PEAR1: variants seen among roughly 807,000 people sequenced by gnomAD.
PEAR1 encodes the protein multiple EGF-like domains protein 12.
In PEAR1, 113 loss-of-function variants were observed where a neutral mutation model predicts 131.2. The observed-to-expected ratio is 0.86, with a 90% CI of 0.74 to 1.01. The LOEUF (loss-of-function observed/expected upper bound fraction) is 1.01. PEAR1 is among the 50% of genes least tolerant of loss of function. PEAR1 has a pLI of 0.00. For missense variants in PEAR1, 1,408 were observed against 1,391.1 expected (o/e 1.01, Z -0.19); for synonymous variants, 565 against 523.3 (o/e 1.08, Z -1.09).
At chr1:156,899,424 C>T (rs887949617) in intron 1 of PEAR1, among the ~76,000 whole-genome samples, 4 of 151,806 alleles carry the variant, frequency 2.6e-5, no homozygotes, top group Non-Finnish European at 4.4e-5. Flanking sequence ...GGCAGCCCAT[C>T]GTTTTGGGGG....
Position 156,905,413 on chromosome 1 carries a change from G to C in PEAR1, c.296G>C (p.Gly99Ala). ...QCCHGFYESR[G>A]FCVPLCAQEC... The stretch of plus-strand genomic sequence containing the variant: ...TGCCATGGCTTCTATGAGAGCAGGG[G>C]GTTCTGTGTCCGTGAGTCCAGGGTT... Residue 99 changes from glycine (G) to alanine (A), a missense_variant, in exon 4 of 23, where the codon GGG becomes GCG. Coordinates refer to ENST00000292357, the MANE Select transcript of PEAR1 (RefSeq NM_001080471.3). 1.2e-6 allele frequency: 2 copies of C among 1,604,808 alleles called. No individual in the cohort carries two copies. Among genetic ancestry groups the C allele is most frequent in the Non-Finnish European group, 1.7e-6 (2 of 1,175,698 alleles).
Position 156,906,879 on chromosome 1 carries a change from A to C in PEAR1, c.643A>C (p.Ser215Arg). Residue 215 changes from serine (S) to arginine (R), a missense_variant and splice_region_variant, in exon 6 of 23, where the codon AGC becomes CGC. Transcript: ENST00000292357. ...CTGCCCCGCAGAGAGAACTGGGCCC[A>C]GGTATGTAATGGGGGGAACGACACT... is the stretch of plus-strand genomic sequence containing the variant. ...CFCPAERTGP[S>R]CDVSCSQGTS... 6.2e-7 allele frequency: 1 copy of C among 1,613,704 alleles called. No homozygotes were observed. Among genetic ancestry groups the C allele is most frequent in the Non-Finnish European group, 8.5e-7 (1 of 1,179,852 alleles).
In PEAR1 at chr1:156,913,588, A is replaced by AGT. The variant is rs1651525051; in HGVS notation, c.2644+74_2644+75dup. ...GTGTGCAGCCCAGATGCCGCGTCTG[A>AGT]GTGTGTGTGTCTGGAGACGGGGGCT... On this transcript the variant is annotated intron_variant, in intron 20 of 22. Transcript: ENST00000292357. 6 of 1,602,380 alleles carry AGT rather than the reference A, an allele frequency of 3.7e-6. No homozygotes were observed. In the East Asian group the frequency reaches 6.7e-5, roughly 18 times the overall value.
chr1:156,904,116 T>C, intron 2 of PEAR1, 89 bp downstream of exon 2: 1 of 1,019,698 alleles, frequency 9.8e-7, no homozygotes, highest in Non-Finnish European at 1.5e-6. Flanking sequence ...TTCTTGGTCC[T>C]TCCTTAATCT....
Position 156,915,094 on chromosome 1 carries a change from T to A in PEAR1, c.*296T>A. The A allele has an allele frequency of 2.8e-6, 1 of 354,688 alleles. No homozygotes were observed. Among genetic ancestry groups the A allele is most frequent in the Non-Finnish European group, 5.1e-6 (1 of 197,770 alleles). The allele number at this position is 354,688 out of a possible 1,614,324, so 22.0% of individuals were successfully genotyped here. A position where few individuals can be genotyped will look rare whatever the true frequency, so the allele number is the denominator to read the frequency against. ...GGGTAACTCTGATTTCAGACATGCG[T>A]GTGGGGTACCTTTTCTGTGCATGCT... On this transcript the variant is annotated 3_prime_UTR_variant, in exon 23 of 23. Transcript: ENST00000292357.
At chr1:156,905,082 T>TGC (rs1650102697) in intron 3 of PEAR1, 2 of 800,790 alleles carry the variant, frequency 2.5e-6, no homozygotes, top group African/African-American at 3.5e-5. Context: ...CCTGTGGGGT[T>TGC]GGGGGGGGGG....
chr1:156,912,964 T>C lies in PEAR1; in HGVS notation c.2404T>C (p.Ser802Pro), dbSNP rs1278546686. ...VAYSSGRLDG[S>P]EYVMPDVPPS... is the part of the protein sequence containing the mutation. ...TTACAGCAGCGGGCGCCTGGACGGC[T>C]CCGAGTATGTCATGCCAGGTGAGCT... is the stretch of plus-strand genomic sequence containing the variant. The change falls in exon 18 of 23, where the codon TCC becomes CCC. Residue 802 changes from serine to proline, a missense_variant. Transcript: ENST00000292357. 6.2e-7 allele frequency: 1 copy of C among 1,614,038 alleles called. No homozygotes were observed. Among genetic ancestry groups the C allele is most frequent in the Non-Finnish European group, 8.5e-7 (1 of 1,180,020 alleles).
intron 15 of PEAR1, 82 bp from the exon 16 acceptor site, chr1:156,912,165 G>A (rs1651279779): frequency 2.6e-6 from 4 of 1,516,806 alleles, no homozygotes; most frequent in Non-Finnish European, 3.5e-6. Flanking sequence ...CTGAGCTAAA[G>A]GCTTCAGTGA....
At position 156,910,221 on chromosome 1, in the gene PEAR1, C is replaced by A. The variant is rs771915571; in HGVS notation, c.1679-13C>A. The A allele has an allele frequency of 2.7e-5, 43 of 1,609,608 alleles. No individual in the cohort carries two copies. Among genetic ancestry groups the A allele is most frequent in the Middle Eastern group, 1.6e-4 (1 of 6,064 alleles). ...GGGCCCAGCCAGGCACACCCGACTGCTGTCTCCCACAGGTGCCCGCTGCCA... is the reference window on the plus strand; with the variant it reads ...GGGCCCAGCCAGGCACACCCGACTGATGTCTCCCACAGGTGCCCGCTGCCA... On this transcript the variant is annotated splice_polypyrimidine_tract_variant and intron_variant, in intron 13 of 22. Transcript: ENST00000292357.
intron 15 of PEAR1, among the ~76,000 whole-genome samples, chr1:156,911,481 A>G (rs144553747): frequency 6.6e-6 from 1 of 151,950 alleles, no homozygotes; most frequent in East Asian, 1.9e-4. Flanking sequence ...CTGGGGTTTC[A>G]TCATATTGGC....
chr1:156,903,821 G>C (rs1344368249), intron 1 of PEAR1, 97 bp from the exon 2 acceptor site: 4 of 981,964 alleles, frequency 4.1e-6, no homozygotes, highest in Non-Finnish European at 6.4e-6. Context: ...CCGCAGTCTG[G>C]TCTCTTCTGC....
rs1351868579 is a variant in PEAR1, at chr1:156,912,493, G to GGT, written c.2081_2082insTG (p.Cys695AlafsTer51). The GGT allele has an allele frequency of 1.2e-6, 2 of 1,612,404 alleles. No individual in the cohort carries two copies. Among genetic ancestry groups the GGT allele is most frequent in the African/African-American group, 2.7e-5 (2 of 74,878 alleles). ...GCCTGCCTCCTTGGCTGTCTCCCCA[G>GGT]GCTGCCCTCTGGGGACATTTGGTGC... On this transcript the variant is annotated frameshift_variant and splice_region_variant. Transcript: ENST00000292357. LOFTEE classifies it high-confidence loss of function.
chr1:156,904,556 C>G (rs1650017866), intron 2 of PEAR1, among the ~76,000 whole-genome samples, 192 bp from the exon 3 acceptor site: 1 of 152,178 alleles, frequency 6.6e-6, no homozygotes, highest in Admixed American at 6.5e-5. Context: ...TCCCAGGAAC[C>G]TTCCAGTTCT....
intron 22 of PEAR1, 33 bp downstream of exon 22, chr1:156,914,133 AGAG>A: frequency 6.5e-7 from 1 of 1,541,194 alleles, no homozygotes; most frequent in Non-Finnish European, 8.8e-7. Flanking sequence ...CAGGAGCAGC[AGAG>A]AACTGGGACA....
intron 2 of PEAR1, 92 bp downstream of exon 2, chr1:156,904,119 C>T: frequency 1.0e-6 from 1 of 985,682 alleles, no homozygotes; most frequent in African/African-American, 1.6e-5. Context: ...TTGGTCCTTC[C>T]TTAATCTCCT....
chr1:156,912,978 G>A lies in PEAR1; in HGVS notation c.2418G>A (p.Met806Ile), dbSNP rs1322301538. The A allele has an allele frequency of 4.3e-6, 7 of 1,614,086 alleles. No homozygotes were observed. The highest frequency in any genetic ancestry group is 5.9e-6 in the Non-Finnish European group (7 of 1,180,038). Residue 806 changes from methionine (M) to isoleucine (I), a missense_variant, in exon 18 of 23, where the codon ATG becomes ATA. Coordinates refer to ENST00000292357, the MANE Select transcript of PEAR1 (RefSeq NM_001080471.3). Reference sequence around the variant, plus strand: ...GCCTGGACGGCTCCGAGTATGTCATGCCAGGTGAGCTGGCACAGGGCCTGG... The same window carrying A: ...GCCTGGACGGCTCCGAGTATGTCATACCAGGTGAGCTGGCACAGGGCCTGG... Reference protein sequence around the residue: ...SGRLDGSEYVMPDVPPSYSHY... With the variant: ...SGRLDGSEYVIPDVPPSYSHY...
rs12081638 is a variant in PEAR1 at position 156,902,372 on chromosome 1, G to T, written c.-9-1546G>T. ...TTCGCCCTGCGGGAAGTGTGATGGG[G>T]CATGCGGCTGGGCTGCACTGGAGGG... On this transcript the variant is annotated intron_variant, in intron 1 of 22. Transcript: ENST00000292357. The surrounding 1 kb of genome is among the most constrained non-coding windows in gnomAD (Gnocchi z 4.3). 0.021 allele frequency: 3,220 copies of T among 152,956 alleles called. 109 individuals are homozygous for T. The highest frequency in any genetic ancestry group is 0.074 in the African/African-American group (3,056 of 41,528). The allele number at this position is 152,956 out of a possible 1,614,324, so 9.5% of individuals were successfully genotyped here.
At chr1:156,911,072 TCTTTCTTTCTTTCTTTCTTTC>T (rs1651048541) in intron 15 of PEAR1, among the ~76,000 whole-genome samples, 1 of 114,000 alleles carries the variant, frequency 8.8e-6, no homozygotes, top group Non-Finnish European at 1.6e-5. Context: ...TTTCTTTCTT[TCTTTCTTTCTTTCTTTCTTTC>T]CTTTCTTTCT....
At chr1:156,905,650 C>G (rs1650216046) in intron 4 of PEAR1, among the ~76,000 whole-genome samples, 1 of 152,106 alleles carries the variant, frequency 6.6e-6, no homozygotes. Flanking sequence ...CATGTGTCTC[C>G]CACCCCATCT....
Sources: allele counts gnomAD v4.1 joint callset (sites outside exome capture counted in the v4.1 genomes callset), GRCh38; gene constraint gnomAD v4.1.1; non-coding constraint Gnocchi (gnomAD v3.1); transcripts MANE v1.5; gene names NCBI Gene and HGNC (gene_info 2026-07-23, HGNC 2026-07-21).